The following MACROD2 variants were observed in gnomAD, a reference collection of about 807,000 sequenced individuals.
MACROD2 encodes ADP-ribose glycohydrolase MACROD2.
MACROD2 carries 36 observed loss-of-function variants against 70.4 expected under a neutral mutation model. The ratio of observed to expected loss-of-function variants is 0.51; its 90% CI spans 0.39 to 0.68. The LOEUF is 0.68. MACROD2 is among the 30% of genes least tolerant of loss of function. The probability of loss-of-function intolerance (pLI) is 0.00; values close to 1 mark genes in which losing one functional copy is unlikely to be tolerated. For synonymous variants in MACROD2, 172 were observed against 178.8 expected (o/e 0.96, Z 0.30); for missense variants, 496 against 538.4 (o/e 0.92, Z 0.78).
chr20:14,371,070 T>G (rs1478577601), intron 3 of MACROD2, among the ~76,000 whole-genome samples: 1 of 152,240 alleles, frequency 6.6e-6, no homozygotes, highest in Non-Finnish European at 1.5e-5. Context: ...CTTTTTTCCC[T>G]TTTATGCCTT....
At chr20:15,083,277 T>C (rs1400239934) in intron 5 of MACROD2, among the ~76,000 whole-genome samples, 6 of 152,124 alleles carry the variant, frequency 3.9e-5, no homozygotes, top group African/African-American at 1.4e-4. Flanking sequence ...CTTAGAATCA[T>C]ACAAGGAAAG....
chr20:14,969,677 G>C (rs997858352), intron 5 of MACROD2, among the ~76,000 whole-genome samples: 3 of 149,292 alleles, frequency 2.0e-5, no homozygotes, highest in African/African-American at 7.4e-5. Context: ...AAAGGACTTG[G>C]CCTGGTAAAA....
At chr20:14,183,573 A>C (rs967059354) in intron 3 of MACROD2, among the ~76,000 whole-genome samples, 1 of 152,120 alleles carries the variant, frequency 6.6e-6, no homozygotes, top group African/African-American at 2.4e-5. Context: ...GTTGAATGGT[A>C]GTTCTGTCTT....
intron 3 of MACROD2, among the ~76,000 whole-genome samples, chr20:14,270,557 C>T (rs930692060): frequency 6.7e-6 from 1 of 150,096 alleles, no homozygotes; most frequent in Non-Finnish European, 1.5e-5. Flanking sequence ...CCACAGCACT[C>T]CAGCCTGGCA....
chr20:15,907,136 C>G (rs2065159416), intron 10 of MACROD2, among the ~76,000 whole-genome samples: 1 of 152,178 alleles, frequency 6.6e-6, no homozygotes, highest in Admixed American at 6.5e-5. Context: ...TTGGTACCCA[C>G]CAATTCTTCA....
chr20:14,586,999 GTT>G (rs1463347655), intron 4 of MACROD2, among the ~76,000 whole-genome samples: 1 of 151,450 alleles, frequency 6.6e-6, no homozygotes, highest in Non-Finnish European at 1.5e-5. Context: ...TTATTTTCTT[GTT>G]TAGTGTATTT....
chr20:14,979,510 C>T (rs2074777823), intron 5 of MACROD2, among the ~76,000 whole-genome samples: 1 of 152,128 alleles, frequency 6.6e-6, no homozygotes, highest in African/African-American at 2.4e-5. Context: ...CAATAATGTC[C>T]TGTTAACTGA....
chr20:14,170,621 A>G (rs2081212083), intron 3 of MACROD2, among the ~76,000 whole-genome samples: 1 of 151,978 alleles, frequency 6.6e-6, no homozygotes, highest in East Asian at 1.9e-4. Flanking sequence ...TTTTGTTTTT[A>G]ATTCTTTTTA....
chr20:15,246,124 T>C (rs559288552), intron 6 of MACROD2, among the ~76,000 whole-genome samples: 1 of 152,360 alleles, frequency 6.6e-6, no homozygotes, highest in South Asian at 2.1e-4. Context: ...ATAAATCGTC[T>C]TATCTCAGTG....
chr20:15,472,265 C>A (rs902216701), intron 7 of MACROD2, among the ~76,000 whole-genome samples: 2 of 152,078 alleles, frequency 1.3e-5, no homozygotes, highest in African/African-American at 4.8e-5. Flanking sequence ...TTTCTTGGTT[C>A]TTTTTTCACC....
chr20:15,150,649 T>A lies in MACROD2; in HGVS notation c.419-79291T>A, dbSNP rs1478707702. Among the ~76,000 whole-genome samples the A allele has an allele frequency of 2.7e-5, 4 of 150,550 alleles. 1 individual carries two copies. Among genetic ancestry groups the A allele is most frequent in the African/African-American group, 9.8e-5 (4 of 40,720 alleles). ...GCATGATCAGTTGCCAAGGAGGGAG[T>A]AGAGGTATCCTATACTTGTGGGTTA... On this transcript the variant is annotated intron_variant, in intron 5 of 17. Coordinates refer to ENST00000684519, the MANE Select transcript of MACROD2 (RefSeq NM_001351661.2).
intron 8 of MACROD2, among the ~76,000 whole-genome samples, chr20:15,791,273 A>G (rs2063622306): frequency 1.3e-5 from 2 of 151,984 alleles, no homozygotes; most frequent in South Asian, 4.1e-4. Flanking sequence ...TTAAATGGTC[A>G]CAAATACTCT....
intron 8 of MACROD2, among the ~76,000 whole-genome samples, chr20:15,571,625 T>C (rs2048377028): frequency 6.6e-6 from 1 of 152,156 alleles, no homozygotes; most frequent in Non-Finnish European, 1.5e-5. Flanking sequence ...TCTGTATCTG[T>C]AGCAGATAAT....
At chr20:15,443,915 T>C (rs543157111) in intron 7 of MACROD2, among the ~76,000 whole-genome samples, 130 of 152,302 alleles carry the variant, frequency 8.5e-4, no homozygotes, top group African/African-American at 3.0e-3. Flanking sequence ...TTTAAGACGA[T>C]AACAGGAGAG....
intron 5 of MACROD2, among the ~76,000 whole-genome samples, chr20:15,170,161 T>A (rs866815697): frequency 2.0e-5 from 3 of 152,206 alleles, no homozygotes; most frequent in African/African-American, 7.2e-5. Context: ...TTTATAACTA[T>A]CTAGTTTTTC....
intron 3 of MACROD2, among the ~76,000 whole-genome samples, chr20:14,365,914 T>C (rs966886581): frequency 6.6e-6 from 1 of 152,178 alleles, no homozygotes; most frequent in African/African-American, 2.4e-5. Flanking sequence ...AATATTCCAG[T>C]TTTTCTTCTG....
At chr20:15,613,722 C>T (rs200744) in intron 8 of MACROD2, among the ~76,000 whole-genome samples, 17,334 of 152,194 alleles carry the variant, frequency 0.11, 1,043 homozygotes, top group Middle Eastern at 0.16. Flanking sequence ...TTTTTGACTT[C>T]GAAATGTTTG....
At chr20:15,929,753 T>G (rs1457050403) in intron 10 of MACROD2, among the ~76,000 whole-genome samples, 6 of 152,190 alleles carry the variant, frequency 3.9e-5, no homozygotes, top group African/African-American at 1.4e-4. Context: ...TACAAAACTC[T>G]CCCATGTAGA....
At chr20:15,408,644 A>G (rs2046036598) in intron 6 of MACROD2, among the ~76,000 whole-genome samples, 1 of 152,180 alleles carries the variant, frequency 6.6e-6, no homozygotes, top group Admixed American at 6.5e-5. Context: ...ACCACATTAG[A>G]GATGATCCCC....
Sources: allele counts gnomAD v4.1 joint callset (sites outside exome capture counted in the v4.1 genomes callset), GRCh38; gene constraint gnomAD v4.1.1; transcripts MANE v1.5; gene names NCBI Gene and HGNC (gene_info 2026-07-23, HGNC 2026-07-21).